The following SLC35F3 variants were observed in gnomAD, a reference collection of about 807,000 sequenced individuals.
The protein encoded by SLC35F3 is solute carrier family 35 member F3.
Under a neutral mutation model 49.9 loss-of-function variants are expected in SLC35F3, and 25 were observed. That is an observed-to-expected ratio of 0.50 (90% CI 0.37 to 0.70). The LOEUF is 0.70. SLC35F3 is among the 30% of genes least tolerant of loss of function. The pLI is 0.00. For synonymous variants in SLC35F3, 275 were observed against 265.4 expected (o/e 1.04, Z -0.35); for missense variants, 525 against 639.8 (o/e 0.82, Z 1.94).
intron 2 of SLC35F3, among the ~76,000 whole-genome samples, chr1:234,045,980 A>C (rs1664285539): frequency 6.6e-6 from 1 of 152,184 alleles, no homozygotes; most frequent in Non-Finnish European, 1.5e-5. Context: ...ATATGCTAAT[A>C]TTCAACTACA....
chr1:234,148,000 T>C (rs1666022728), intron 2 of SLC35F3, among the ~76,000 whole-genome samples: 1 of 152,198 alleles, frequency 6.6e-6, no homozygotes, highest in Non-Finnish European at 1.5e-5. Context: ...TTCCCTGAAC[T>C]GTAACTCACT....
rs1327916710 is a variant in SLC35F3 at position 234,319,003 on chromosome 1, G to A, written c.1147+60G>A. ...AGCAACCACCCACAGAGGACCCTCAGGAAACATGTTCCCTGAAGGCAGAAA... is the reference window on the plus strand; with the variant it reads ...AGCAACCACCCACAGAGGACCCTCAAGAAACATGTTCCCTGAAGGCAGAAA... On this transcript the variant is annotated intron_variant, in intron 6 of 7. Transcript: ENST00000366618. The A allele has an allele frequency of 3.3e-5, 47 of 1,424,918 alleles. 1 individual carries two copies. In the South Asian group the frequency reaches 3.6e-4, roughly 11 times the overall value. The allele number at this position is 1,424,918 out of a possible 1,614,324, so 88.3% of individuals were successfully genotyped here. A position where few individuals can be genotyped will look rare whatever the true frequency, so the allele number is the denominator to read the frequency against.
intron 2 of SLC35F3, among the ~76,000 whole-genome samples, chr1:234,122,895 C>A (rs1283092229): frequency 6.6e-6 from 1 of 152,250 alleles, no homozygotes; most frequent in African/African-American, 2.4e-5. Context: ...TGGTTCCAAG[C>A]CTTTGCTCTT....
rs1470090954 is a variant in SLC35F3, at chr1:234,214,640, G to T, written c.284-16777G>T. ...AGCCGGGGAATGCTGCCACCCTGAG[G>T]GGGGCTGTCTGGCTGCGGGGCGCCG... is the stretch of plus-strand genomic sequence containing the variant. On this transcript the variant is annotated intron_variant, in intron 2 of 7. Transcript: ENST00000366618. The surrounding 1 kb of genome is among the most constrained non-coding windows in gnomAD (Gnocchi z 8.0). 6.7e-7 allele frequency: 1 copy of T among 1,488,634 alleles called. No individual in the cohort carries two copies. The highest frequency in any genetic ancestry group is 9.0e-7 in the Non-Finnish European group (1 of 1,115,410). The allele number at this position is 1,488,634 out of a possible 1,614,324, so 92.2% of individuals were successfully genotyped here.
intron 3 of SLC35F3, among the ~76,000 whole-genome samples, chr1:234,248,834 C>T (rs1249970475): frequency 6.6e-6 from 1 of 152,228 alleles, no homozygotes; most frequent in African/African-American, 2.4e-5. Context: ...TGTCTTCCCA[C>T]ACTCCCTGCC....
intron 2 of SLC35F3, among the ~76,000 whole-genome samples, chr1:234,012,071 C>T (rs755821499): frequency 1.3e-5 from 2 of 152,144 alleles, no homozygotes; most frequent in African/African-American, 4.8e-5. Context: ...AGCAAGAAAA[C>T]ATGTGAGCAA....
intron 2 of SLC35F3, among the ~76,000 whole-genome samples, chr1:234,035,937 A>G (rs984468784): frequency 6.6e-6 from 1 of 152,228 alleles, no homozygotes; most frequent in Non-Finnish European, 1.5e-5. Context: ...ATTAAAGAAT[A>G]AATAAAGACT....
intron 2 of SLC35F3, among the ~76,000 whole-genome samples, chr1:233,952,752 C>A (rs1662628055): frequency 6.6e-6 from 1 of 152,156 alleles, no homozygotes; most frequent in African/African-American, 2.4e-5. Context: ...CATCTGGTTT[C>A]TCTCTCCTCT....
chr1:234,229,647 C>CT (rs1436707681), intron 2 of SLC35F3, among the ~76,000 whole-genome samples: 1 of 152,058 alleles, frequency 6.6e-6, no homozygotes, highest in South Asian at 2.1e-4. Flanking sequence ...TTTTTGTGAA[C>CT]TTTTTTTTCA....
At chr1:233,949,598 C>T (rs184352484) in intron 2 of SLC35F3, among the ~76,000 whole-genome samples, 2 of 152,292 alleles carry the variant, frequency 1.3e-5, no homozygotes, top group African/African-American at 4.8e-5. Context: ...TTCCCCAGGA[C>T]CATGCTGTTT....
intron 3 of SLC35F3, among the ~76,000 whole-genome samples, chr1:234,278,296 C>T (rs896680911): frequency 6.6e-6 from 1 of 152,158 alleles, no homozygotes; most frequent in Non-Finnish European, 1.5e-5. Context: ...TTGAGACCAG[C>T]CTGGCCAACA....
chr1:234,190,680 C>T (rs1416203353), intron 2 of SLC35F3, among the ~76,000 whole-genome samples: 1 of 152,186 alleles, frequency 6.6e-6, no homozygotes, highest in East Asian at 1.9e-4. Context: ...TCAACAAAGA[C>T]ATACTGGGTT....
chr1:234,029,247 G>C (rs926488970), intron 2 of SLC35F3, among the ~76,000 whole-genome samples: 8 of 152,128 alleles, frequency 5.3e-5, no homozygotes, highest in Non-Finnish European at 1.2e-4. Flanking sequence ...TGTAGACACC[G>C]GGTCTTGTGG....
rs1222664313 is a variant in SLC35F3, at chr1:234,214,321, C to A, written c.284-17096C>A. ...GCTGCAGGGCGGCCGCCGCAGTGAG[C>A]AACGCGGCAACCGGAGCCCGGCGGG... On this transcript the variant is annotated intron_variant, in intron 2 of 7. Transcript: ENST00000366618. This position sits in a 1 kb window ranked among gnomAD's most constrained non-coding sequence, Gnocchi z 8.0. The A allele has an allele frequency of 7.7e-7, 1 of 1,307,128 alleles. No homozygotes were observed. The highest frequency in any genetic ancestry group is 9.7e-7 in the Non-Finnish European group (1 of 1,031,418). 81.0% of individuals were successfully genotyped at this position (1,307,128 alleles called of 1,614,324 possible).
At chr1:234,159,821 G>T (rs768373710) in intron 2 of SLC35F3, among the ~76,000 whole-genome samples, 17 of 152,140 alleles carry the variant, frequency 1.1e-4, no homozygotes, top group Non-Finnish European at 1.6e-4. Context: ...TCTAGGTGGG[G>T]ATGCTAAAAA....
chr1:234,315,794 T>C (rs1657476544), intron 4 of SLC35F3, among the ~76,000 whole-genome samples: 1 of 152,254 alleles, frequency 6.6e-6, no homozygotes, highest in South Asian at 2.1e-4. Flanking sequence ...TGCAGCTTCA[T>C]GGCTACCTCA....
chr1:234,076,431 C>T (rs1446957175), intron 2 of SLC35F3, among the ~76,000 whole-genome samples: 1 of 151,734 alleles, frequency 6.6e-6, no homozygotes, highest in African/African-American at 2.4e-5. Flanking sequence ...GACCCTGTCT[C>T]TCTCTACAAA....
intron 2 of SLC35F3, among the ~76,000 whole-genome samples, chr1:234,058,623 G>A (rs114900034): frequency 6.6e-6 from 1 of 152,216 alleles, no homozygotes; most frequent in African/African-American, 2.4e-5. Flanking sequence ...GGGATAACAG[G>A]CATGAGCCAT....
rs12033153 is a variant in SLC35F3, at chr1:234,266,666, A to G, written c.608+34925A>G. Among the ~76,000 whole-genome samples the G allele has an allele frequency of 2.7e-3, 405 of 152,314 alleles. 14 individuals are homozygous for G. In the East Asian group the frequency reaches 0.062, roughly 23 times the overall value. ...TGCTGCACACCTAGGCTATAATGGG[A>G]TAGCCTAATTGTTCGTAGGCTGCAA... is the stretch of plus-strand genomic sequence containing the variant. On this transcript the variant is annotated intron_variant, in intron 3 of 7. Transcript: ENST00000366618.
Sources: allele counts gnomAD v4.1 joint callset (sites outside exome capture counted in the v4.1 genomes callset), GRCh38; gene constraint gnomAD v4.1.1; non-coding constraint Gnocchi (gnomAD v3.1); transcripts MANE v1.5; gene names NCBI Gene and HGNC (gene_info 2026-07-23, HGNC 2026-07-21).